The following SARNP variants were observed in gnomAD, a reference collection of about 807,000 sequenced individuals.
SARNP encodes the protein SAP domain-containing ribonucleoprotein.
A neutral mutation model predicts 38.1 loss-of-function variants in SARNP; 5 were observed. The ratio of observed to expected loss-of-function variants is 0.13; its 90% CI spans 0.07 to 0.28. SARNP has a LOEUF of 0.28. Among genes scored for constraint, SARNP ranks in the 10% least tolerant of loss-of-function variants. The pLI is 1.00. For synonymous variants in SARNP, 84 were observed against 80.6 expected (o/e 1.04, Z -0.23); for missense variants, 180 against 243.9 (o/e 0.74, Z 1.75).
intron 1 of SARNP, among the ~76,000 whole-genome samples, chr12:55,804,121 G>C (rs1325126702): frequency 6.6e-6 from 1 of 152,140 alleles, no homozygotes; most frequent in South Asian, 2.1e-4. Flanking sequence ...TCTAAAAGCA[G>C]ATTCTCCTTA....
chr12:55,775,535 AAAAAAAC>A (rs1879154790), intron 9 of SARNP, among the ~76,000 whole-genome samples: 25 of 148,104 alleles, frequency 1.7e-4, no homozygotes, highest in South Asian at 6.3e-4. Context: ...TCTCAAAAAA[AAAAAAAC>A]AAAAAACAAA....
At chr12:55,799,128 A>G (rs1003314152) in intron 4 of SARNP, among the ~76,000 whole-genome samples, 5 of 152,240 alleles carry the variant, frequency 3.3e-5, no homozygotes, top group South Asian at 2.1e-4. Context: ...AAATCTTCCA[A>G]AAGTATGTAC....
At chr12:55,788,539 G>A (rs1879572437) in intron 9 of SARNP, among the ~76,000 whole-genome samples, 1 of 152,206 alleles carries the variant, frequency 6.6e-6, no homozygotes, top group African/African-American at 2.4e-5. Flanking sequence ...GCTCACGCCT[G>A]TAATCCCAGC....
rs1319359816 is a variant in SARNP, at chr12:55,775,433, T to C, written c.501+13642A>G. Among the ~76,000 whole-genome samples the C allele has an allele frequency of 6.1e-5, 9 of 147,192 alleles. No individual in the cohort carries two copies. The South Asian group carries it at 1.7e-3, about 28-fold the overall frequency. On this transcript the variant is annotated intron_variant, in intron 9 of 10. Transcript: ENST00000336133. ...AAAATTAGCCGGGCATGGTGGTGCA[T>C]ACTTGCAGTCCCAGCTACTCAGGAG...
At chr12:55,768,021 T>G (rs901385335) in intron 9 of SARNP, among the ~76,000 whole-genome samples, 9 of 152,112 alleles carry the variant, frequency 5.9e-5, no homozygotes, top group African/African-American at 2.2e-4. Flanking sequence ...GACAGATGAC[T>G]AAGGGTTAAA....
intron 10 of SARNP, among the ~76,000 whole-genome samples, chr12:55,759,134 G>GC (rs1412967066): frequency 6.6e-6 from 1 of 152,044 alleles, no homozygotes; most frequent in African/African-American, 2.4e-5. Flanking sequence ...CTCCCACACT[G>GC]CTCTCCTAAA....
At chr12:55,771,537 TAA>T (rs1390984439) in intron 9 of SARNP, among the ~76,000 whole-genome samples, 1 of 152,060 alleles carries the variant, frequency 6.6e-6, no homozygotes. Context: ...AATTCCAATC[TAA>T]AGAGTCCAGT....
At chr12:55,808,367 G>A (rs894713080) in intron 1 of SARNP, among the ~76,000 whole-genome samples, 13 of 151,670 alleles carry the variant, frequency 8.6e-5, no homozygotes, top group African/African-American at 3.1e-4. Flanking sequence ...TGCCCAGGCT[G>A]GAGTGCAATG....
At chr12:55,786,924 A>G (rs7958239) in intron 9 of SARNP, among the ~76,000 whole-genome samples, 3 of 152,132 alleles carry the variant, frequency 2.0e-5, no homozygotes, top group Non-Finnish European at 4.4e-5. Flanking sequence ...CTGTATTTCT[A>G]GTTAATATAA....
Position 55,803,744 on chromosome 12 carries a change from T to A in SARNP, c.37-16A>T, listed in dbSNP as rs182846373. 8.9e-4 allele frequency: 1,419 copies of A among 1,593,456 alleles called. 20 individuals carry two copies. In the Admixed American group the frequency reaches 0.023, roughly 25 times the overall value. Reference sequence around the variant, plus strand: ...GTTCGGCAAGCTGAGGGGAAAAAAATAAAACTTTTCCTTAGTTAACAGGAT... The same window carrying A: ...GTTCGGCAAGCTGAGGGGAAAAAAAAAAAACTTTTCCTTAGTTAACAGGAT... On this transcript the variant is annotated splice_polypyrimidine_tract_variant and intron_variant, in intron 1 of 10. Coordinates refer to ENST00000336133, the MANE Select transcript of SARNP (RefSeq NM_033082.4).
chr12:55,813,272 G>A (rs779786685), intron 1 of SARNP, among the ~76,000 whole-genome samples: 51 of 152,072 alleles, frequency 3.4e-4, no homozygotes, highest in Non-Finnish European at 4.6e-4. Flanking sequence ...AGAACACACA[G>A]GGTCTTATGA....
At chr12:55,815,879 G>T (rs1056503778) in intron 1 of SARNP, 1 of 152,178 alleles carries the variant, frequency 6.6e-6, no homozygotes, top group Admixed American at 6.5e-5. Context: ...TGGGGAGAGG[G>T]TCCATACCTT....
Position 55,817,695 on chromosome 12 carries a change from T to C in SARNP, c.7A>G (p.Thr3Ala), listed in dbSNP as rs781589558. The C allele has an allele frequency of 1.5e-4, 235 of 1,613,136 alleles. 2 individuals are homozygous for C. Among genetic ancestry groups the C allele is most frequent in the Middle Eastern group, 9.9e-4 (6 of 6,078 alleles). Residue 3 changes from threonine (T) to alanine (A), a missense_variant, in exon 1 of 11, where the codon ACC (threonine) becomes GCC (alanine). Transcript: ENST00000336133. Reference sequence around the variant, plus strand: ...AGCTTATGGAGCTCCACCGTCTCGGTCGCCATCTTGTTACCCCTCACTCCA... The same window carrying C: ...AGCTTATGGAGCTCCACCGTCTCGGCCGCCATCTTGTTACCCCTCACTCCA... Reference protein sequence around the residue: MATETVELHKLKL... With the variant: MAAETVELHKLKL...
chr12:55,758,603 C>G (rs1291109432), intron 10 of SARNP, among the ~76,000 whole-genome samples: 1 of 152,060 alleles, frequency 6.6e-6, no homozygotes, highest in African/African-American at 2.4e-5. Context: ...TGAGATCGCA[C>G]CACTGCACTC....
chr12:55,787,931 A>G (rs1052661134), intron 9 of SARNP, among the ~76,000 whole-genome samples: 1 of 151,444 alleles, frequency 6.6e-6, no homozygotes, highest in Non-Finnish European at 1.5e-5. Flanking sequence ...TTGTATTTTT[A>G]GTAGAGACGG....
chr12:55,785,168 T>C (rs977402762), intron 9 of SARNP, among the ~76,000 whole-genome samples: 2 of 152,228 alleles, frequency 1.3e-5, no homozygotes, highest in African/African-American at 4.8e-5. Context: ...TAATTTCAGA[T>C]GCACTACTCT....
At chr12:55,788,250 A>G (rs1351919842) in intron 9 of SARNP, among the ~76,000 whole-genome samples, 1 of 152,210 alleles carries the variant, frequency 6.6e-6, no homozygotes, top group Non-Finnish European at 1.5e-5. Flanking sequence ...ATCACCCCAC[A>G]TAGCATGAAG....
chr12:55,782,365 A>G, intron 9 of SARNP, among the ~76,000 whole-genome samples: 1 of 152,146 alleles, frequency 6.6e-6, no homozygotes, highest in East Asian at 1.9e-4. Flanking sequence ...TTAAATACCC[A>G]TGTAGATGGA....
intron 4 of SARNP, among the ~76,000 whole-genome samples, chr12:55,797,885 C>T (rs1354088514): frequency 2.6e-5 from 4 of 152,278 alleles, no homozygotes; most frequent in Non-Finnish European, 4.4e-5. Flanking sequence ...AAATCAAAAA[C>T]GATCACCCCA....
Sources: gnomAD v4.1 joint callset for allele counts (sites outside exome capture counted in the v4.1 genomes callset) on GRCh38, gnomAD v4.1.1 for gene constraint, MANE v1.5 for transcripts, NCBI Gene and HGNC (gene_info 2026-07-23, HGNC 2026-07-21) for gene names.